MB21D2: variants seen among roughly 807,000 people sequenced by gnomAD.
MB21D2 encodes Mab-21 domain containing 2, also known as nucleotidyltransferase MB21D2.
In MB21D2, 9 loss-of-function variants were observed where a neutral mutation model predicts 33.3. That is an observed-to-expected ratio of 0.27 (90% CI 0.16 to 0.47). The LOEUF (loss-of-function observed/expected upper bound fraction) is 0.47. MB21D2 is among the 20% of genes least tolerant of loss of function. The pLI is 0.99. For synonymous variants in MB21D2, 241 were observed against 236.3 expected (o/e 1.02, Z -0.18); for missense variants, 540 against 624.6 (o/e 0.86, Z 1.44).
intron 1 of MB21D2, among the ~76,000 whole-genome samples, chr3:192,822,988 A>G (rs1712093284): frequency 6.6e-6 from 1 of 152,228 alleles, no homozygotes; most frequent in African/African-American, 2.4e-5. Flanking sequence ...TAATGGCAAC[A>G]TTCAGTTGAC....
chr3:192,800,488 C>G (rs540288417), intron 1 of MB21D2, among the ~76,000 whole-genome samples: 123 of 152,304 alleles, frequency 8.1e-4, no homozygotes, highest in Middle Eastern at 3.4e-3. Context: ...ACTGTACTAG[C>G]AGTCAGTAGG....
intron 1 of MB21D2, among the ~76,000 whole-genome samples, chr3:192,835,539 C>T (rs1712419542): frequency 6.6e-6 from 1 of 151,096 alleles, no homozygotes; most frequent in African/African-American, 2.4e-5. Flanking sequence ...AAATGCTAGG[C>T]CCTGATTCCC....
intron 1 of MB21D2, among the ~76,000 whole-genome samples, chr3:192,827,792 T>C (rs189593918): frequency 2.6e-4 from 40 of 152,260 alleles, no homozygotes; most frequent in African/African-American, 8.7e-4. Context: ...ACCATAAAAG[T>C]TGAATGACAT....
intron 1 of MB21D2, among the ~76,000 whole-genome samples, chr3:192,873,016 C>CA (rs55783097): frequency 0.6 from 90,505 of 151,458 alleles, 28,539 homozygotes; most frequent in African/African-American, 0.79. Context: ...GACACCCCCC[C>CA]CCACCAAGCA....
chr3:192,908,924 A>G (rs553524789), intron 1 of MB21D2, among the ~76,000 whole-genome samples: 1 of 152,244 alleles, frequency 6.6e-6, no homozygotes, highest in African/African-American at 2.4e-5. Context: ...AGTGAATATG[A>G]TAACATCACA....
At chr3:192,896,942 C>T (rs1037380266) in intron 1 of MB21D2, among the ~76,000 whole-genome samples, 5 of 151,946 alleles carry the variant, frequency 3.3e-5, no homozygotes, top group African/African-American at 4.8e-5. Context: ...AAACGGCAGG[C>T]GAGAAAGTGA....
At chr3:192,916,006 T>G (rs1248785088) in intron 1 of MB21D2, among the ~76,000 whole-genome samples, 1 of 152,014 alleles carries the variant, frequency 6.6e-6, no homozygotes, top group African/African-American at 2.4e-5. Flanking sequence ...CAGCCTTCTG[T>G]GTGTGGCCCC....
chr3:192,810,691 CATA>C (rs1711765199), intron 1 of MB21D2, among the ~76,000 whole-genome samples: 1 of 152,160 alleles, frequency 6.6e-6, no homozygotes, highest in African/African-American at 2.4e-5. Flanking sequence ...ATTTTTTTGG[CATA>C]ATATGTTAAG....
intron 1 of MB21D2, among the ~76,000 whole-genome samples, chr3:192,909,255 C>CA (rs552013602): frequency 0.023 from 2,529 of 110,854 alleles, 75 homozygotes; most frequent in African/African-American, 0.079. Flanking sequence ...GACTCTGTCT[C>CA]AAAAAAAAAA....
chr3:192,851,373 T>C (rs566155378), intron 1 of MB21D2, among the ~76,000 whole-genome samples: 29 of 152,152 alleles, frequency 1.9e-4, no homozygotes, highest in African/African-American at 7.0e-4. Flanking sequence ...AGAAGGTGAC[T>C]GCTAATGAGT....
chr3:192,886,570 T>G (rs969882455), intron 1 of MB21D2, among the ~76,000 whole-genome samples: 2 of 152,120 alleles, frequency 1.3e-5, no homozygotes, highest in Non-Finnish European at 2.9e-5. Flanking sequence ...TGCTGTCATT[T>G]AGAGAGATGA....
At chr3:192,878,308 C>T (rs1713485580) in intron 1 of MB21D2, among the ~76,000 whole-genome samples, 1 of 152,030 alleles carries the variant, frequency 6.6e-6, no homozygotes, top group Non-Finnish European at 1.5e-5. Flanking sequence ...GTTCTCTTCC[C>T]CCAGGCAAAT....
chr3:192,894,713 A>G (rs1042230363), intron 1 of MB21D2, among the ~76,000 whole-genome samples: 3 of 151,938 alleles, frequency 2.0e-5, no homozygotes. Context: ...CCGTCCCTCC[A>G]CCTTCCACCA....
intron 1 of MB21D2, among the ~76,000 whole-genome samples, chr3:192,859,497 A>G (rs1474800556): frequency 6.6e-6 from 1 of 151,992 alleles, no homozygotes; most frequent in Non-Finnish European, 1.5e-5. Context: ...GGAACATCCT[A>G]TTTAAAGTTA....
chr3:192,858,398 G>A (rs770110988), intron 1 of MB21D2, among the ~76,000 whole-genome samples: 1 of 152,006 alleles, frequency 6.6e-6, no homozygotes, highest in Non-Finnish European at 1.5e-5. Flanking sequence ...CACACTCCTG[G>A]AATTTAAAGG....
intron 1 of MB21D2, among the ~76,000 whole-genome samples, chr3:192,835,411 G>A (rs188539718): frequency 9.6e-4 from 122 of 127,194 alleles, no homozygotes; most frequent in African/African-American, 3.6e-3. Flanking sequence ...AGCTGAAATC[G>A]CACCACTGCA....
chr3:192,858,855 C>T (rs180864869), intron 1 of MB21D2, among the ~76,000 whole-genome samples: 2 of 152,166 alleles, frequency 1.3e-5, no homozygotes, highest in East Asian at 1.9e-4. Context: ...CTATTTACAG[C>T]GTACAAACCA....
At chr3:192,882,453 A>G (rs1037964680) in intron 1 of MB21D2, among the ~76,000 whole-genome samples, 2 of 152,120 alleles carry the variant, frequency 1.3e-5, no homozygotes, top group East Asian at 3.9e-4. Flanking sequence ...ATAAGACAAA[A>G]CACTATGCAA....
Position 192,894,383 on chromosome 3 carries a change from G to A in MB21D2, c.211+23247C>T, listed in dbSNP as rs111383774. Among the ~76,000 whole-genome samples, 1,404 of 152,100 alleles carry A rather than the reference G, an allele frequency of 9.2e-3. 24 individuals carry two copies. The highest frequency in any genetic ancestry group is 0.029 in the African/African-American group (1,185 of 41,484). ...TAACCTCAAGTGATCCACTCGCCTC[G>A]GCCTCCCAAAGTGGTAGGAGTATGA... On this transcript the variant is annotated intron_variant, in intron 1 of 1. Coordinates refer to ENST00000392452, the MANE Select transcript of MB21D2 (RefSeq NM_178496.4).
Sources: allele counts gnomAD v4.1 joint callset (sites outside exome capture counted in the v4.1 genomes callset), GRCh38; gene constraint gnomAD v4.1.1; transcripts MANE v1.5; gene names NCBI Gene and HGNC (gene_info 2026-07-23, HGNC 2026-07-21).